Variants in SOBP observed in about 807,000 individuals in gnomAD.
SOBP encodes sine oculis binding protein homolog, also known as sine oculis-binding protein homolog.
A neutral mutation model predicts 53.6 loss-of-function variants in SOBP; 4 were observed. The observed-to-expected ratio is 0.07, with a 90% CI of 0.04 to 0.17. The LOEUF is 0.17. Among genes scored for constraint, SOBP ranks in the 10% least tolerant of loss-of-function variants. The pLI is 1.00. For synonymous variants in SOBP, 584 were observed against 522.6 expected, an observed-to-expected ratio of 1.12 and a Z score of -1.60; for missense variants, 1,088 against 1,204.7, an observed-to-expected ratio of 0.90 and a Z score of 1.43.
At chr6:107,535,471 C>T (rs1238536606) in intron 4 of SOBP, among the ~76,000 whole-genome samples, 1 of 152,156 alleles carries the variant, frequency 6.6e-6, no homozygotes, top group Non-Finnish European at 1.5e-5. Context: ...CTTGCTAAAC[C>T]TGGAAGTTGC....
chr6:107,645,800 G>A (rs1204811276), intron 6 of SOBP, among the ~76,000 whole-genome samples: 1 of 152,206 alleles, frequency 6.6e-6, no homozygotes, highest in African/African-American at 2.4e-5. Context: ...ACCTGAGGAG[G>A]GATGTGGGCT....
Position 107,648,633 on chromosome 6 carries a change from C to A in SOBP, c.*4-9574C>A, listed in dbSNP as rs571810040. On this transcript the variant is annotated intron_variant, in intron 6 of 6. Coordinates refer to ENST00000317357, the MANE Select transcript of SOBP (RefSeq NM_018013.4). Reference sequence around the variant, plus strand: ...GCACTATACAGCTCTGACATTGTGACCCTGCCACCCTACTGTCAGGGCAAA... The same window carrying A: ...GCACTATACAGCTCTGACATTGTGAACCTGCCACCCTACTGTCAGGGCAAA... 2.0e-4 allele frequency among the ~76,000 whole-genome samples: 31 copies of A among 151,836 alleles called. 1 individual carries two copies. Among genetic ancestry groups the A allele is most frequent in the Non-Finnish European group, 4.3e-4 (29 of 67,972 alleles).
At chr6:107,518,750 GTT>G (rs11390425) in intron 3 of SOBP, among the ~76,000 whole-genome samples, 9 of 111,664 alleles carry the variant, frequency 8.1e-5, no homozygotes, top group Middle Eastern at 5.7e-3. Context: ...AGGAAAGGCT[GTT>G]TTTTTTTTTT....
rs546698478 is a variant in SOBP, at chr6:107,595,758, T to C, written c.669+8583T>C. On this transcript the variant is annotated intron_variant, in intron 5 of 6. Coordinates refer to ENST00000317357, the MANE Select transcript of SOBP (RefSeq NM_018013.4). ...TCTTGAGAGGAAAAGGGAAAGAGTATAAAAAATATTTGAAGTGGAGAAGAA... is the reference window on the plus strand; with the variant it reads ...TCTTGAGAGGAAAAGGGAAAGAGTACAAAAAATATTTGAAGTGGAGAAGAA... Among the ~76,000 whole-genome samples, 3 of 152,148 alleles carry C rather than the reference T, an allele frequency of 2.0e-5. No individual in the cohort carries two copies. The East Asian group carries it at 5.8e-4, about 29-fold the overall frequency.
chr6:107,526,559 G>C (rs1019506179), intron 3 of SOBP, among the ~76,000 whole-genome samples: 15 of 152,102 alleles, frequency 9.9e-5, no homozygotes, highest in Admixed American at 8.5e-4. Context: ...CTCTGGAATG[G>C]CTCTCACAAC....
intron 4 of SOBP, among the ~76,000 whole-genome samples, chr6:107,551,088 G>A (rs978364070): frequency 1.3e-5 from 2 of 152,158 alleles, no homozygotes; most frequent in Non-Finnish European, 2.9e-5. Flanking sequence ...TAAAGTGGTG[G>A]TAGAAAACTT....
At chr6:107,599,261 A>T (rs373662307) in intron 5 of SOBP, among the ~76,000 whole-genome samples, 7 of 152,334 alleles carry the variant, frequency 4.6e-5, no homozygotes, top group Non-Finnish European at 8.8e-5. Flanking sequence ...GGTAATATAT[A>T]TAGTGTGCTT....
rs1306796295 is a variant in SOBP, at chr6:107,490,580, C to G, written c.-37C>G. On this transcript the variant is annotated 5_prime_UTR_variant, in exon 1 of 7. Coordinates refer to ENST00000317357, the MANE Select transcript of SOBP (RefSeq NM_018013.4). ...CCACCACCACCGCCGGCGGCGGCAG[C>G]AGCCATTTCATCTCCACAGAAACCA... 6.6e-7 allele frequency: 1 copy of G among 1,517,406 alleles called. No homozygotes were observed. The allele number at this position is 1,517,406 out of a possible 1,614,324, so 94.0% of individuals were successfully genotyped here.
At chr6:107,559,239 C>T (rs1784706615) in intron 4 of SOBP, among the ~76,000 whole-genome samples, 1 of 152,068 alleles carries the variant, frequency 6.6e-6, no homozygotes, top group African/African-American at 2.4e-5. Context: ...CTCATCTGTA[C>T]TGTCAAGTGT....
At chr6:107,546,572 C>A (rs1305958029) in intron 4 of SOBP, among the ~76,000 whole-genome samples, 4 of 152,184 alleles carry the variant, frequency 2.6e-5, no homozygotes, top group Non-Finnish European at 5.9e-5. Flanking sequence ...GGCGCCTGCA[C>A]TCATGTGCAC....
chr6:107,550,817 C>A (rs1179734207), intron 4 of SOBP, among the ~76,000 whole-genome samples: 5 of 152,208 alleles, frequency 3.3e-5, no homozygotes, highest in African/African-American at 9.7e-5. Context: ...TACTGTCATT[C>A]CCATGTTGTG....
In SOBP at chr6:107,635,423, C is replaced by G. The variant is rs767984586; in HGVS notation, c.2579C>G (p.Pro860Arg). 1 of 1,613,570 alleles carries G rather than the reference C, an allele frequency of 6.2e-7. No homozygotes were observed. Among genetic ancestry groups the G allele is most frequent in the South Asian group, 1.1e-5 (1 of 91,078 alleles). ...GCCGGGCCTGAGGACCTGGAGCCGCCGCTCAAAAGGAGGTGCCTCCGAATT... is the reference window on the plus strand; with the variant it reads ...GCCGGGCCTGAGGACCTGGAGCCGCGGCTCAAAAGGAGGTGCCTCCGAATT... ...LSAGPEDLEP[P>R]LKRRCLRIRN... The change falls in exon 6 of 7, where the codon CCG becomes CGG. Residue 860 changes from proline (P) to arginine (R), a missense_variant. Around this residue, in one of 6 missense-constraint regions of SOBP, gnomAD observed 665 missense variants for 629.7 expected, o/e 1.06. Coordinates refer to ENST00000317357, the MANE Select transcript of SOBP (RefSeq NM_018013.4). This position sits in a 1 kb window ranked among gnomAD's most constrained non-coding sequence, Gnocchi z 4.5.
At chr6:107,643,843 C>G (rs955580896) in intron 6 of SOBP, among the ~76,000 whole-genome samples, 1 of 152,230 alleles carries the variant, frequency 6.6e-6, no homozygotes, top group African/African-American at 2.4e-5. Flanking sequence ...CATTCACATT[C>G]TTCTTGCTTT....
chr6:107,634,787 G>A lies in SOBP; in HGVS notation c.1943G>A (p.Gly648Asp), dbSNP rs1583296050. ...GQLGFPGVLQ[G>D]PQDGVIDLTV... The stretch of plus-strand genomic sequence containing the variant: ...CTCGGCTTCCCAGGCGTGCTGCAGG[G>A]CCCGCAGGACGGCGTCATCGACCTG... Residue 648 changes from glycine (G) to aspartate (D), a missense_variant, in exon 6 of 7, where the codon GGC becomes GAC. Around this residue, in one of 6 missense-constraint regions of SOBP, gnomAD observed 665 missense variants for 629.7 expected, o/e 1.06. Coordinates refer to ENST00000317357, the MANE Select transcript of SOBP (RefSeq NM_018013.4). The surrounding 1 kb of genome is among the most constrained non-coding windows in gnomAD (Gnocchi z 4.5). 2.1e-6 allele frequency: 3 copies of A among 1,396,374 alleles called. No individual in the cohort carries two copies. The highest frequency in any genetic ancestry group is 2.8e-6 in the Non-Finnish European group (3 of 1,073,090). 86.5% of individuals were successfully genotyped at this position (1,396,374 alleles called of 1,614,324 possible).
intron 5 of SOBP, among the ~76,000 whole-genome samples, chr6:107,598,432 G>C (rs998334583): frequency 3.3e-5 from 5 of 152,182 alleles, no homozygotes; most frequent in African/African-American, 1.2e-4. Context: ...CAGAGAAAGA[G>C]AAGATGTGGA....
At chr6:107,529,244 C>T (rs1246766238) in intron 3 of SOBP, among the ~76,000 whole-genome samples, 1 of 152,180 alleles carries the variant, frequency 6.6e-6, no homozygotes, top group East Asian at 1.9e-4. Context: ...AGAAAGCAAA[C>T]TTCAGTTTCT....
intron 5 of SOBP, among the ~76,000 whole-genome samples, chr6:107,630,750 G>GTCTCTCTCTCTC (rs60388300): frequency 1.2e-4 from 18 of 148,568 alleles, no homozygotes; most frequent in African/African-American, 4.5e-4. Context: ...CACACACTCT[G>GTCTCTCTCTCTC]TCTCTCTCTC....
At chr6:107,569,912 C>T (rs543651811) in intron 4 of SOBP, among the ~76,000 whole-genome samples, 2 of 152,346 alleles carry the variant, frequency 1.3e-5, no homozygotes, top group African/African-American at 4.8e-5. Context: ...GCCCATCTCT[C>T]ACATTGTTTT....
At chr6:107,593,499 A>T (rs1211324419) in intron 5 of SOBP, among the ~76,000 whole-genome samples, 3 of 152,170 alleles carry the variant, frequency 2.0e-5, no homozygotes, top group Admixed American at 6.5e-5. Flanking sequence ...TCTCCAAGGG[A>T]GGCACTGTGG....
Sources: allele counts gnomAD v4.1 joint callset (sites outside exome capture counted in the v4.1 genomes callset), GRCh38; gene constraint gnomAD v4.1.1; regional missense constraint gnomAD v4.1.1; non-coding constraint Gnocchi (gnomAD v3.1); transcripts MANE v1.5; gene names NCBI Gene and HGNC (gene_info 2026-07-23, HGNC 2026-07-21).